PAX7: variants seen among roughly 807,000 people sequenced by gnomAD.
The protein encoded by PAX7 is paired box 7, also known as paired box protein Pax-7.
A neutral mutation model predicts 50.7 loss-of-function variants in PAX7; 18 were observed. The ratio of observed to expected loss-of-function variants is 0.36; its 90% CI spans 0.25 to 0.53. The LOEUF (loss-of-function observed/expected upper bound fraction) is 0.53. PAX7 is among the 20% of genes least tolerant of loss of function. The probability of loss-of-function intolerance (pLI) is 0.93; values close to 1 mark genes in which losing one functional copy is unlikely to be tolerated. For synonymous variants in PAX7, 310 were observed against 290.4 expected (o/e 1.07, Z -0.69); for missense variants, 644 against 702.9 (o/e 0.92, Z 0.95).
At chr1:18,721,554 A>C (rs2089494044) in intron 7 of PAX7, among the ~76,000 whole-genome samples, 2 of 152,356 alleles carry the variant, frequency 1.3e-5, no homozygotes, top group South Asian at 2.1e-4. Context: ...GGCTCTCTGA[A>C]GGTGGCAATA....
chr1:18,686,671 G>A (rs1355042636), intron 4 of PAX7, among the ~76,000 whole-genome samples: 2 of 151,936 alleles, frequency 1.3e-5, no homozygotes, highest in Non-Finnish European at 2.9e-5. Flanking sequence ...GAGAGAGAAG[G>A]GCACCCCAAG....
At chr1:18,637,226 T>C (rs1342833408) in intron 4 of PAX7, among the ~76,000 whole-genome samples, 1 of 152,100 alleles carries the variant, frequency 6.6e-6, no homozygotes, top group Non-Finnish European at 1.5e-5. Flanking sequence ...GGGAGGAAGT[T>C]TCGAGAGAAG....
Position 18,659,114 on chromosome 1 carries a change from T to C in PAX7, c.586+22743T>C, listed in dbSNP as rs566495876. 2.0e-5 allele frequency among the ~76,000 whole-genome samples: 3 copies of C among 152,342 alleles called. No individual in the cohort carries two copies. In the South Asian group the frequency reaches 6.2e-4, roughly 32 times the overall value. ...TGTGTGACATGTGTGTGTATGTGTG[T>C]GTCTGTGTGTGTACTGCAGATTCAC... On this transcript the variant is annotated intron_variant, in intron 4 of 8. Coordinates refer to ENST00000420770, the MANE Select transcript of PAX7 (RefSeq NM_001135254.2).
intron 4 of PAX7, among the ~76,000 whole-genome samples, chr1:18,651,676 C>T (rs1280325385): frequency 2.0e-5 from 3 of 152,116 alleles, no homozygotes; most frequent in South Asian, 2.1e-4. Flanking sequence ...AGAGAGATTC[C>T]GAGTGTTCCA....
intron 4 of PAX7, among the ~76,000 whole-genome samples, chr1:18,662,721 C>A (rs1397438729): frequency 6.6e-6 from 1 of 152,080 alleles, no homozygotes; most frequent in Admixed American, 6.6e-5. Flanking sequence ...CAGGGACACG[C>A]CATCATGCTC....
chr1:18,635,529 A>AAGGAAGGAAGGAAGGAAGGAAG (rs1553133206), intron 3 of PAX7, among the ~76,000 whole-genome samples: 7 of 49,116 alleles, frequency 1.4e-4, no homozygotes, highest in Non-Finnish European at 2.6e-4. Flanking sequence ...AAGGAAGGAA[A>AAGGAAGGAAGGAAGGAAGGAAG]GAAGGAAGGA....
Position 18,728,041 on chromosome 1 carries a change from G to A in PAX7, c.1156-7591G>A, listed in dbSNP as rs970605737. ...AGGGGGTGAGGGTGGGCAGCTGCCCGGGTGGGTAATTTCTGGCTTGCACTA... is the reference window on the plus strand; with the variant it reads ...AGGGGGTGAGGGTGGGCAGCTGCCCAGGTGGGTAATTTCTGGCTTGCACTA... On this transcript the variant is annotated intron_variant, in intron 7 of 8. Coordinates refer to ENST00000420770, the MANE Select transcript of PAX7 (RefSeq NM_001135254.2). Among the ~76,000 whole-genome samples the A allele has an allele frequency of 6.6e-5, 10 of 152,284 alleles. No homozygotes were observed. In the East Asian group the frequency reaches 1.2e-3, roughly 18 times the overall value.
chr1:18,735,720 C>T lies in PAX7; in HGVS notation c.1244C>T (p.Ser415Leu), dbSNP rs768370753. The T allele has an allele frequency of 1.6e-5, 26 of 1,613,936 alleles. No homozygotes were observed. Among genetic ancestry groups the T allele is most frequent in the East Asian group, 2.2e-5 (1 of 44,878 alleles). Residue 415 changes from serine to leucine, a missense_variant, in exon 8 of 9, where the codon TCG (serine) becomes TTG (leucine). By Grantham distance (145) the Ser-to-Leu change is moderately radical. Transcript: ENST00000420770. The surrounding 1 kb of genome is among the most constrained non-coding windows in gnomAD (Gnocchi z 4.0). Reference protein sequence around the residue: ...SISPLHGGLDSATSISASCSQ... With the variant: ...SISPLHGGLDLATSISASCSQ... ...TCCCCGCTGCATGGCGGCCTGGACT[C>T]GGCCACCTCCATCTCAGCCAGCTGC... is the stretch of plus-strand genomic sequence containing the variant.
At position 18,710,864 on chromosome 1, in the gene PAX7, G is replaced by A. The variant is rs540774561; in HGVS notation, c.1155+7568G>A. ...TGGAGGATTGCCTGCCCCGCTGAAA[G>A]GAGACCCTTCTCTCGCACATTTTCC... On this transcript the variant is annotated intron_variant, in intron 7 of 8. Transcript: ENST00000420770. 3.9e-5 allele frequency among the ~76,000 whole-genome samples: 6 copies of A among 152,318 alleles called. No individual in the cohort carries two copies. In the South Asian group the frequency reaches 1.2e-3, roughly 32 times the overall value.
Position 18,735,861 on chromosome 1 carries a change from A to T in PAX7, c.1385A>T (p.Tyr462Phe). 2 of 1,613,970 alleles carry T rather than the reference A, an allele frequency of 1.2e-6. No individual in the cohort carries two copies. The highest frequency in any genetic ancestry group is 1.7e-6 in the Non-Finnish European group (2 of 1,180,012). ...YSVDPVAGYQ[Y>F]GQYGQTAVDY... ...GTGGACCCCGTGGCCGGCTATCAGT[A>T]CGGCCAGTACGGCCAGAGTGAGTGC... Residue 462 changes from tyrosine (Y) to phenylalanine (F), a missense_variant, in exon 8 of 9, where the codon TAC becomes TTC. Physicochemically the swap from Tyr to Phe is conservative, Grantham distance 22 (BLOSUM62 3). Coordinates refer to ENST00000420770, the MANE Select transcript of PAX7 (RefSeq NM_001135254.2). This position sits in a 1 kb window ranked among gnomAD's most constrained non-coding sequence, Gnocchi z 4.0.
intron 7 of PAX7, among the ~76,000 whole-genome samples, chr1:18,713,750 G>A (rs2089383509): frequency 6.6e-6 from 1 of 152,192 alleles, no homozygotes. Context: ...AAGGCTTCCT[G>A]GAAGAGGAGT....
intron 8 of PAX7, among the ~76,000 whole-genome samples, chr1:18,738,431 A>C (rs1930920875): frequency 6.6e-6 from 1 of 152,136 alleles, no homozygotes; most frequent in Non-Finnish European, 1.5e-5. Flanking sequence ...CAAAGTCAGC[A>C]TGGGGGCAGC....
chr1:18,644,490 G>T (rs1296652460), intron 4 of PAX7, among the ~76,000 whole-genome samples: 2 of 151,990 alleles, frequency 1.3e-5, no homozygotes, highest in African/African-American at 4.8e-5. Flanking sequence ...CTAAAACCTT[G>T]CCATTTACAT....
intron 3 of PAX7, among the ~76,000 whole-genome samples, chr1:18,635,604 G>A (rs1296006222): frequency 6.6e-6 from 1 of 151,798 alleles, no homozygotes; most frequent in Non-Finnish European, 1.5e-5. Flanking sequence ...TAGAAAGCTG[G>A]ATGATAAGAG....
intron 4 of PAX7, 56 bp from the exon 5 acceptor site, chr1:18,691,698 G>GC: frequency 6.7e-7 from 1 of 1,497,818 alleles, no homozygotes; most frequent in Non-Finnish European, 9.1e-7. Flanking sequence ...CCAGACCCCG[G>GC]CACCCTTCCA....
Position 18,700,753 on chromosome 1 carries a change from G to A in PAX7, c.887G>A (p.Gly296Asp). The A allele has an allele frequency of 6.3e-7, 1 of 1,593,834 alleles. No homozygotes were observed. ...CTGCCAGGAGGCTTCCCACCCACCGGCATGCCCACGCTGCCCCCCTACCAG... is the reference window on the plus strand; with the variant it reads ...CTGCCAGGAGGCTTCCCACCCACCGACATGCCCACGCTGCCCCCCTACCAG... ...HLLPGGFPPT[G>D]MPTLPPYQLP... Residue 296 changes from glycine (G) to aspartate (D), a missense_variant, in exon 6 of 9, where the codon GGC becomes GAC. Transcript: ENST00000420770. This position sits in a 1 kb window ranked among gnomAD's most constrained non-coding sequence, Gnocchi z 4.8.
chr1:18,730,896 G>A (rs1446477434), intron 7 of PAX7, among the ~76,000 whole-genome samples: 5 of 151,884 alleles, frequency 3.3e-5, no homozygotes, highest in Non-Finnish European at 7.4e-5. Flanking sequence ...TAGAGGGAGA[G>A]GAAGGGGTTG....
intron 4 of PAX7, among the ~76,000 whole-genome samples, chr1:18,658,986 GTGTGT>G (rs1244442246): frequency 6.6e-6 from 1 of 152,150 alleles, no homozygotes; most frequent in Non-Finnish European, 1.5e-5. Context: ...ATATGTATGT[GTGTGT>G]TGTGTGTGCA....
intron 4 of PAX7, among the ~76,000 whole-genome samples, chr1:18,679,367 G>A (rs1005034813): frequency 2.0e-5 from 3 of 152,258 alleles, no homozygotes; most frequent in African/African-American, 7.2e-5. Context: ...GGGAGAAGGA[G>A]GGTCCCGCAG....
Sources: allele counts gnomAD v4.1 joint callset (sites outside exome capture counted in the v4.1 genomes callset), GRCh38; gene constraint gnomAD v4.1.1; non-coding constraint Gnocchi (gnomAD v3.1); transcripts MANE v1.5; gene names NCBI Gene and HGNC (gene_info 2026-07-23, HGNC 2026-07-21).